The following ACTR3C variants were observed in gnomAD, a reference collection of about 807,000 sequenced individuals.
ACTR3C encodes the protein actin related protein 3C, also known as actin-related protein 3C.
In ACTR3C, 18 loss-of-function variants were observed where a neutral mutation model predicts 26.3. That is an observed-to-expected ratio of 0.68 (90% confidence interval 0.47 to 1.01). The LOEUF (loss-of-function observed/expected upper bound fraction) is 1.01, where lower values mean the gene tolerates loss of function less well. Ranked by LOEUF, ACTR3C falls within the 50% of genes least tolerant of loss-of-function variation. The pLI is 0.00. For missense variants in ACTR3C, 184 were observed against 250.7 expected (o/e 0.73, Z 1.80); for synonymous variants, 55 against 94.5 (o/e 0.58, Z 2.42).
the ACTR3C span, among the ~76,000 whole-genome samples, chr7:149,906,623 G>A: frequency 3.4e-5 from 5 of 147,026 alleles, no homozygotes; most frequent in African/African-American, 1.3e-4. Flanking sequence ...GTAGAGATGG[G>A]GTGTTGCCAT....
At chr7:149,978,278 C>A in the ACTR3C span, among the ~76,000 whole-genome samples, 18 of 152,182 alleles carry the variant, frequency 1.2e-4, no homozygotes, top group Middle Eastern at 0.01. Flanking sequence ...TCATTCAGGG[C>A]AGGGGTTCAT....
the ACTR3C span, chr7:149,891,061 A>G: frequency 1.2e-6 from 1 of 809,390 alleles, no homozygotes; most frequent in South Asian, 1.9e-5. Flanking sequence ...TTATTTTCAA[A>G]AAAGCAGCCT....
chr7:150,166,805 C>A, the ACTR3C span, among the ~76,000 whole-genome samples: 2 of 150,690 alleles, frequency 1.3e-5, no homozygotes, highest in African/African-American at 5.0e-5. Context: ...TCTTCATGTC[C>A]CCTCAACACC....
At chr7:150,126,889 T>G in the ACTR3C span, among the ~76,000 whole-genome samples, 17 of 152,272 alleles carry the variant, frequency 1.1e-4, no homozygotes, top group African/African-American at 4.1e-4. Flanking sequence ...AAAATGAAGC[T>G]ACACCAGCCT....
At chr7:150,135,813 G>A in the ACTR3C span, among the ~76,000 whole-genome samples, 3 of 141,226 alleles carry the variant, frequency 2.1e-5, no homozygotes, top group Non-Finnish European at 4.7e-5. Flanking sequence ...AGAAAGGAAA[G>A]AAAGAAAAGA....
chr7:150,306,656 G>A (rs187739657), intron 1 of ACTR3C, among the ~76,000 whole-genome samples: 3 of 152,294 alleles, frequency 2.0e-5, no homozygotes, highest in Admixed American at 6.5e-5. Flanking sequence ...AGGCCAGCTT[G>A]GACAACACAG....
At chr7:149,975,968 A>G in the ACTR3C span, among the ~76,000 whole-genome samples, 4 of 152,190 alleles carry the variant, frequency 2.6e-5, no homozygotes, top group African/African-American at 7.2e-5. Flanking sequence ...ACCAAAACCA[A>G]AAGTTGATTA....
At chr7:150,003,399 A>G in the ACTR3C span, among the ~76,000 whole-genome samples, 2 of 150,434 alleles carry the variant, frequency 1.3e-5, no homozygotes, top group Admixed American at 1.3e-4. Context: ...TGTATGATGT[A>G]TGGAAGAAGT....
chr7:150,148,914 T>C, the ACTR3C span, among the ~76,000 whole-genome samples: 6 of 151,696 alleles, frequency 4.0e-5, no homozygotes, highest in Admixed American at 3.9e-4. Flanking sequence ...CGTTGCCCCC[T>C]CATCAAATTT....
the ACTR3C span, among the ~76,000 whole-genome samples, chr7:149,886,348 T>C: frequency 6.6e-6 from 1 of 152,254 alleles, no homozygotes; most frequent in Admixed American, 6.5e-5. Context: ...CGAATGTCTT[T>C]AATGTATAAA....
the ACTR3C span, among the ~76,000 whole-genome samples, chr7:150,130,595 C>T: frequency 1.4e-4 from 21 of 152,156 alleles, no homozygotes; most frequent in Non-Finnish European, 2.2e-4. Context: ...TTTCTAATAA[C>T]GTTAAACATA....
At chr7:150,038,798 CG>C in the ACTR3C span, among the ~76,000 whole-genome samples, 10 of 139,166 alleles carry the variant, frequency 7.2e-5, 2 homozygotes, top group Non-Finnish European at 9.4e-5. Context: ...CCCCGCCTCG[CG>C]GGGGGTGCCT....
At chr7:150,040,169 C>T in the ACTR3C span, among the ~76,000 whole-genome samples, 1 of 148,336 alleles carries the variant, frequency 6.7e-6, no homozygotes, top group South Asian at 2.1e-4. Flanking sequence ...CAAGAATCAG[C>T]TTATTTGCTT....
chr7:150,317,020 A>C (rs1205977101), intron 1 of ACTR3C, among the ~76,000 whole-genome samples: 1 of 151,902 alleles, frequency 6.6e-6, no homozygotes, highest in Non-Finnish European at 1.5e-5. Flanking sequence ...CTTGATGTTT[A>C]ATCTTTTTTA....
chr7:149,995,214 T>G, the ACTR3C span, among the ~76,000 whole-genome samples: 1 of 152,370 alleles, frequency 6.6e-6, no homozygotes, highest in East Asian at 1.9e-4. Context: ...AAGGATTTTT[T>G]TGCCTGCATA....
At chr7:150,220,781 C>T in the ACTR3C span, among the ~76,000 whole-genome samples, 2 of 152,308 alleles carry the variant, frequency 1.3e-5, no homozygotes, top group African/African-American at 4.8e-5. Context: ...GCCACCGCTG[C>T]AAGGAGCCCA....
chr7:150,133,840 T>C, the ACTR3C span, among the ~76,000 whole-genome samples: 2 of 152,194 alleles, frequency 1.3e-5, no homozygotes, highest in African/African-American at 4.8e-5. Flanking sequence ...ACGGGCTCAG[T>C]GATCTTCCCA....
At chr7:149,951,876 G>A in the ACTR3C span, among the ~76,000 whole-genome samples, 15 of 150,572 alleles carry the variant, frequency 1.0e-4, no homozygotes, top group South Asian at 1.7e-3. Flanking sequence ...AGCAGAACTG[G>A]TGACTGCATC....
At chr7:150,007,721 G>A in the ACTR3C span, among the ~76,000 whole-genome samples, 1 of 151,868 alleles carries the variant, frequency 6.6e-6, no homozygotes, top group African/African-American at 2.4e-5. Context: ...TGTGTGTGGA[G>A]CAGCAAGGCA....
Sources: gnomAD v4.1 joint callset for allele counts (sites outside exome capture counted in the v4.1 genomes callset) on GRCh38, gnomAD v4.1.1 for gene constraint, MANE v1.5 for transcripts, NCBI Gene and HGNC (gene_info 2026-07-23, HGNC 2026-07-21) for gene names.